The following MEF2C variants were observed in gnomAD, a reference collection of about 807,000 sequenced individuals.
The protein encoded by MEF2C is myocyte-specific enhancer factor 2C.
Under a neutral mutation model 50.5 loss-of-function variants are expected in MEF2C, and 6 were observed. The observed-to-expected ratio is 0.12, with a 90% CI of 0.07 to 0.23. The LOEUF is 0.23. Among genes scored for constraint, MEF2C ranks in the 10% least tolerant of loss-of-function variants. MEF2C has a pLI of 1.00. For missense variants in MEF2C, 276 were observed against 605.0 expected (o/e 0.46, Z 5.70); for synonymous variants, 183 against 228.0 (o/e 0.80, Z 1.78).
chr5:88,869,303 A>ATATACG (rs1828734340), intron 1 of MEF2C, among the ~76,000 whole-genome samples: 1 of 105,554 alleles, frequency 9.5e-6, no homozygotes, highest in Non-Finnish European at 1.9e-5. Flanking sequence ...ATACACATAT[A>ATATACG]TATATATATA....
At chr5:88,820,951 T>C (rs1808050114) in intron 2 of MEF2C, among the ~76,000 whole-genome samples, 1 of 151,976 alleles carries the variant, frequency 6.6e-6, no homozygotes, top group Non-Finnish European at 1.5e-5. Flanking sequence ...CTGAAATATA[T>C]ATTAAAACAT....
intron 9 of MEF2C, 59 bp downstream of exon 9, chr5:88,729,159 A>T (rs890337536): frequency 1.2e-5 from 19 of 1,600,798 alleles, no homozygotes; most frequent in Non-Finnish European, 1.5e-5. Context: ...TAACTTTTTC[A>T]TCTTGATTTT....
chr5:88,728,993 G>A (rs1451042632), intron 9 of MEF2C, among the ~76,000 whole-genome samples: 1 of 152,098 alleles, frequency 6.6e-6, no homozygotes, highest in African/African-American at 2.4e-5. Flanking sequence ...TCTTGAAAGT[G>A]TGTTTCTATT....
chr5:88,902,934 G>A (rs892403715), intron 1 of MEF2C, among the ~76,000 whole-genome samples: 2 of 150,910 alleles, frequency 1.3e-5, no homozygotes, highest in African/African-American at 2.4e-5. Context: ...TGTTTACTAC[G>A]TATAGGCTCT....
Position 88,800,241 on chromosome 5 carries a change from A to G in MEF2C, c.258+4357T>C, listed in dbSNP as rs569823360. On this transcript the variant is annotated intron_variant, in intron 3 of 10. Transcript: ENST00000504921. ...AGGTAACCTGTCTGGGAGTCCTGTC[A>G]CTCCAAGGATCACTTGGAATGCTCT... Among the ~76,000 whole-genome samples, 11 of 152,142 alleles carry G rather than the reference A, an allele frequency of 7.2e-5. No individual in the cohort carries two copies. The South Asian group carries it at 2.3e-3, about 32-fold the overall frequency.
intron 3 of MEF2C, among the ~76,000 whole-genome samples, chr5:88,769,330 G>A (rs749478053): frequency 2.6e-5 from 4 of 152,110 alleles, no homozygotes; most frequent in Non-Finnish European, 5.9e-5. Context: ...TTGCCTGAGG[G>A]AATTCATGGA....
intron 6 of MEF2C, chr5:88,739,824 T>A (rs909290961): frequency 1.0e-6 from 1 of 985,196 alleles, no homozygotes. Flanking sequence ...AATCTGGGTA[T>A]GATGAAAATT....
intron 6 of MEF2C, chr5:88,741,070 C>T: frequency 2.0e-6 from 2 of 985,404 alleles, no homozygotes; most frequent in Non-Finnish European, 2.4e-6. Context: ...CTGTACTGTA[C>T]TGCTCTCACA....
At chr5:88,748,367 C>T (rs1770978519) in intron 6 of MEF2C, among the ~76,000 whole-genome samples, 1 of 152,152 alleles carries the variant, frequency 6.6e-6, no homozygotes, top group Non-Finnish European at 1.5e-5. Flanking sequence ...ACTTGTTATG[C>T]CAATAGTGAA....
intron 4 of MEF2C, chr5:88,752,594 G>A (rs889444665): frequency 1.1e-5 from 11 of 982,444 alleles, no homozygotes; most frequent in Non-Finnish European, 1.3e-5. Context: ...TAACATACAA[G>A]ATTCAACAGA....
chr5:88,743,228 T>C, intron 6 of MEF2C: 2 of 983,430 alleles, frequency 2.0e-6, no homozygotes, highest in South Asian at 4.7e-5. Flanking sequence ...TTCTTGAATA[T>C]TGCAATCTTA....
At chr5:88,775,777 T>C (rs1784470027) in intron 3 of MEF2C, 1 of 976,684 alleles carries the variant, frequency 1.0e-6, no homozygotes, top group African/African-American at 1.7e-5. Flanking sequence ...GGATTTCACA[T>C]GATGCTATAA....
chr5:88,753,973 T>C (rs1774050669), intron 4 of MEF2C, among the ~76,000 whole-genome samples: 1 of 152,238 alleles, frequency 6.6e-6, no homozygotes, highest in South Asian at 2.1e-4. Context: ...TAAGGATTGC[T>C]CTAGCATACC....
At chr5:88,741,882 T>C (rs1415320904) in intron 6 of MEF2C, 4 of 985,398 alleles carry the variant, frequency 4.1e-6, no homozygotes, top group African/African-American at 1.7e-5. Flanking sequence ...TTAGCACCTT[T>C]TGGACGTATC....
chr5:88,735,718 A>G, intron 6 of MEF2C: 1 of 985,362 alleles, frequency 1.0e-6, no homozygotes, highest in Non-Finnish European at 1.2e-6. Flanking sequence ...CTCCCCAGTT[A>G]ACTTGCAAAC....
chr5:88,892,817 C>G (rs933434110), intron 1 of MEF2C, among the ~76,000 whole-genome samples: 1 of 152,164 alleles, frequency 6.6e-6, no homozygotes, highest in African/African-American at 2.4e-5. Flanking sequence ...TCAGTCTCCC[C>G]CTAGCTTGAA....
Position 88,730,156 on chromosome 5 carries a change from C to A in MEF2C, c.834+55G>T, listed in dbSNP as rs1760821003. On this transcript the variant is annotated intron_variant, in intron 8 of 10. Coordinates refer to ENST00000504921, the MANE Select transcript of MEF2C (RefSeq NM_002397.5). ...TCCAATTTTATCAAAGCTACCACCT[C>A]TACCTAAAAGTAGCTTTGCACATGC... 4 of 1,545,700 alleles carry A rather than the reference C, an allele frequency of 2.6e-6. No homozygotes were observed. In the South Asian group the frequency reaches 3.6e-5, roughly 14 times the overall value.
At chr5:88,812,063 G>A (rs948466697) in intron 2 of MEF2C, among the ~76,000 whole-genome samples, 1 of 152,112 alleles carries the variant, frequency 6.6e-6, no homozygotes, top group Non-Finnish European at 1.5e-5. Flanking sequence ...ACTTTACAAA[G>A]CAAGTAGTAT....
At chr5:88,744,139 A>T (rs1768195363) in intron 6 of MEF2C, 1 of 985,158 alleles carries the variant, frequency 1.0e-6, no homozygotes, top group African/African-American at 1.7e-5. Flanking sequence ...TACTAACGGG[A>T]TAGTGAATAA....
Sources: gnomAD v4.1 joint callset for allele counts (sites outside exome capture counted in the v4.1 genomes callset) on GRCh38, gnomAD v4.1.1 for gene constraint, MANE v1.5 for transcripts, NCBI Gene and HGNC (gene_info 2026-07-23, HGNC 2026-07-21) for gene names.